Variants in SLF1 observed in about 807,000 individuals in gnomAD.
SLF1 encodes the protein SMC5/6 complex localization factor 1, also known as SMC5-SMC6 complex localization factor protein 1.
In SLF1, 105 loss-of-function variants were observed where a neutral mutation model predicts 123.0. The ratio of observed to expected loss-of-function variants is 0.85; its 90% confidence interval spans 0.73 to 1.00. The LOEUF is 1.00. Among genes scored for constraint, SLF1 ranks in the 50% least tolerant of loss-of-function variants. The probability of loss-of-function intolerance (pLI) is 0.00; values close to 1 mark genes in which losing one functional copy is unlikely to be tolerated. For synonymous variants in SLF1, 434 were observed against 406.6 expected (o/e 1.07, Z -0.81); for missense variants, 1,239 against 1,223.0 (o/e 1.01, Z -0.20).
At chr5:94,628,759 T>A (rs1397002339) in intron 1 of SLF1, 52 bp from the exon 2 acceptor site, 1 of 1,208,822 alleles carries the variant, frequency 8.3e-7, no homozygotes, top group African/African-American at 1.6e-5. Flanking sequence ...ATGTCAACCC[T>A]GTGAATAATA....
chr5:94,653,398 A>G lies in SLF1; in HGVS notation c.1009A>G (p.Arg337Gly). 6.6e-6 allele frequency: 10 copies of G among 1,522,302 alleles called. No individual in the cohort carries two copies. In the South Asian group the frequency reaches 1.1e-4, roughly 17 times the overall value. 94.3% of individuals were successfully genotyped at this position (1,522,302 alleles called of 1,614,324 possible). A position where few individuals can be genotyped will look rare whatever the true frequency, so the allele number is the denominator to read the frequency against. Residue 337 changes from arginine (R) to glycine (G), a missense_variant, in exon 8 of 21, where the codon AGG becomes GGG. Arg to Gly is a moderately radical substitution (Grantham distance 125). Coordinates refer to ENST00000265140, the MANE Select transcript of SLF1 (RefSeq NM_032290.4). ...TGAAAAAATAAAAAGTACCTTAAGA[A>G]GGCACATATATAATAGAGATCAGGT... ...EHEKIKSTLRRHIYNRDQKEM... is the reference protein window; with the variant it reads ...EHEKIKSTLRGHIYNRDQKEM...
chr5:94,655,450 T>C (rs1748262887), intron 9 of SLF1, among the ~76,000 whole-genome samples: 1 of 152,194 alleles, frequency 6.6e-6, no homozygotes, highest in Non-Finnish European at 1.5e-5. Context: ...TGCAGTTGTT[T>C]ACAAATTTTA....
chr5:94,665,858 T>C lies in SLF1; in HGVS notation c.1369-3T>C. ...TATTTGTTTGTTTATTTTTAAATAA[T>C]AGGATAACATAGATACATTTTCTGG... On this transcript the variant is annotated splice_polypyrimidine_tract_variant and splice_region_variant and intron_variant, in intron 11 of 20. Transcript: ENST00000265140. 1 of 1,534,072 alleles carries C rather than the reference T, an allele frequency of 6.5e-7. No individual in the cohort carries two copies. Among genetic ancestry groups the C allele is most frequent in the Admixed American group, 2.0e-5 (1 of 50,424 alleles).
chr5:94,671,631 A>G (rs989727025), intron 14 of SLF1, among the ~76,000 whole-genome samples: 11 of 146,968 alleles, frequency 7.5e-5, no homozygotes, highest in African/African-American at 2.5e-4. Context: ...TACATCATTC[A>G]TTTTGCTCTT....
chr5:94,636,673 A>G (rs1255718405), intron 4 of SLF1, among the ~76,000 whole-genome samples: 1 of 106,002 alleles, frequency 9.4e-6, no homozygotes, highest in South Asian at 3.0e-4. Context: ...TCCATATTTT[A>G]TTTAATTTTT....
At chr5:94,643,963 A>G (rs1006010279) in intron 5 of SLF1, among the ~76,000 whole-genome samples, 19 of 152,084 alleles carry the variant, frequency 1.2e-4, no homozygotes, top group Non-Finnish European at 2.4e-4. Context: ...AGGAAAAATC[A>G]TCTTCATTGT....
intron 17 of SLF1, 37 bp from the exon 18 acceptor site, chr5:94,689,436 A>T: frequency 1.3e-6 from 2 of 1,590,928 alleles, no homozygotes; most frequent in Non-Finnish European, 1.7e-6. Flanking sequence ...GCCTTGCTGA[A>T]AAACAAGCTT....
At position 94,689,915 on chromosome 5, in the gene SLF1, T is replaced by G. The variant is rs1480892172; in HGVS notation, c.2419+309T>G. On this transcript the variant is annotated intron_variant, in intron 18 of 20. Coordinates refer to ENST00000265140, the MANE Select transcript of SLF1 (RefSeq NM_032290.4). ...GCCCGCCTTACTTTTCTATTCCATC[T>G]CAACCTGTGCTGCTTAGGATCAGTG... 2.0e-5 allele frequency among the ~76,000 whole-genome samples: 3 copies of G among 152,298 alleles called. No homozygotes were observed. The East Asian group carries it at 5.8e-4, about 29-fold the overall frequency.
At chr5:94,638,583 A>C (rs1406891341) in intron 4 of SLF1, among the ~76,000 whole-genome samples, 6 of 152,218 alleles carry the variant, frequency 3.9e-5, no homozygotes, top group African/African-American at 9.6e-5. Flanking sequence ...GTATCTCAGA[A>C]TTCTATAAAA....
At position 94,630,719 on chromosome 5, in the gene SLF1, A is replaced by G. The variant is rs1021642607; in HGVS notation, c.407A>G (p.Asp136Gly). The G allele has an allele frequency of 3.9e-6, 6 of 1,551,412 alleles. No homozygotes were observed. The highest frequency in any genetic ancestry group is 5.2e-6 in the Non-Finnish European group (6 of 1,146,902). The stretch of plus-strand genomic sequence containing the variant: ...AAAGTTGTCCTCCTTGTTAGAACTG[A>G]TAAGCGAAGTGATTCTCTTATAAGG... The part of the protein sequence containing the change: ...RWKVVLLVRT[D>G]KRSDSLIRVL... The change falls in exon 4 of 21, where the codon GAT becomes GGT. Residue 136 changes from aspartate to glycine, a missense_variant. Asp to Gly is a moderately conservative substitution (Grantham distance 94). Transcript: ENST00000265140.
intron 4 of SLF1, among the ~76,000 whole-genome samples, chr5:94,635,245 C>T (rs954389797): frequency 6.7e-6 from 1 of 149,430 alleles, no homozygotes; most frequent in Non-Finnish European, 1.5e-5. Context: ...TCTTGGTTTT[C>T]GTTTACATGG....
chr5:94,619,228 C>T (rs1791379351), intron 1 of SLF1, among the ~76,000 whole-genome samples: 1 of 152,134 alleles, frequency 6.6e-6, no homozygotes, highest in Non-Finnish European at 1.5e-5. Flanking sequence ...GGCTGGGATA[C>T]CCCAGGCCCA....
Position 94,670,297 on chromosome 5 carries a change from G to C in SLF1, c.1661+18G>C, listed in dbSNP as rs1248228005. Reference sequence around the variant, plus strand: ...AGTCAAAAGTAAGTTCTAATCGCAAGAATAACACTTTTCTAAATTTTGGTT... The same window carrying C: ...AGTCAAAAGTAAGTTCTAATCGCAACAATAACACTTTTCTAAATTTTGGTT... On this transcript the variant is annotated intron_variant, in intron 13 of 20. Coordinates refer to ENST00000265140, the MANE Select transcript of SLF1 (RefSeq NM_032290.4). 7.0e-7 allele frequency: 1 copy of C among 1,425,588 alleles called. No homozygotes were observed. The highest frequency in any genetic ancestry group is 9.1e-7 in the Non-Finnish European group (1 of 1,093,316). The allele number at this position is 1,425,588 out of a possible 1,614,324, so 88.3% of individuals were successfully genotyped here. A position where few individuals can be genotyped will look rare whatever the true frequency, so the allele number is the denominator to read the frequency against.
At chr5:94,682,071 TAAA>T (rs145686438) in intron 15 of SLF1, among the ~76,000 whole-genome samples, 2,306 of 152,270 alleles carry the variant, frequency 0.015, 59 homozygotes, top group African/African-American at 0.051. Context: ...TGGAGAAAGG[TAAA>T]GAAAAAGGCT....
At position 94,656,380 on chromosome 5, in the gene SLF1, G is replaced by C. The variant is rs143221598; in HGVS notation, c.1155+1628G>C. Among the ~76,000 whole-genome samples the C allele has an allele frequency of 4.0e-3, 605 of 151,802 alleles. 4 individuals are homozygous for C. The highest frequency in any genetic ancestry group is 0.014 in the African/African-American group (586 of 41,458). On this transcript the variant is annotated intron_variant, in intron 9 of 20. Transcript: ENST00000265140. ...GTACTGACTCTTTGCTATGTTGTTG[G>C]ATTTAGTTTGCTAGCATTTTGTTAA...
intron 6 of SLF1, among the ~76,000 whole-genome samples, chr5:94,651,282 T>C (rs1422320417): frequency 6.6e-6 from 1 of 152,226 alleles, no homozygotes; most frequent in Admixed American, 6.5e-5. Context: ...CAACTAACGA[T>C]GTACTTCTCA....
intron 15 of SLF1, 61 bp from the exon 16 acceptor site, chr5:94,686,512 C>A: frequency 6.4e-7 from 1 of 1,553,378 alleles, no homozygotes; most frequent in Non-Finnish European, 8.8e-7. Flanking sequence ...AGGAAATAGC[C>A]TATGGAAAAA....
chr5:94,661,694 G>A (rs112468517), intron 9 of SLF1, among the ~76,000 whole-genome samples: 3,755 of 151,894 alleles, frequency 0.025, 190 homozygotes, highest in East Asian at 0.21. Context: ...CTGCCACCAC[G>A]CCTGGCTAAT....
At chr5:94,627,524 T>A (rs1022283629) in intron 1 of SLF1, among the ~76,000 whole-genome samples, 32 of 148,892 alleles carry the variant, frequency 2.1e-4, no homozygotes, top group East Asian at 1.8e-3. Context: ...AGATTTTTTT[T>A]AAAAAGTGAT....
Sources: allele counts gnomAD v4.1 joint callset (sites outside exome capture counted in the v4.1 genomes callset), GRCh38; gene constraint gnomAD v4.1.1; transcripts MANE v1.5; gene names NCBI Gene and HGNC (gene_info 2026-07-23, HGNC 2026-07-21).